Variants in ST3GAL3 observed in about 807,000 individuals in gnomAD.
ST3GAL3 encodes the protein CMP-N-acetylneuraminate-beta-1,4-galactoside alpha-2,3-sialyltransferase.
A neutral mutation model predicts 50.1 loss-of-function variants in ST3GAL3; 21 were observed. The ratio of observed to expected loss-of-function variants is 0.42; its 90% CI spans 0.30 to 0.60. ST3GAL3 has a LOEUF of 0.60. Among genes scored for constraint, ST3GAL3 ranks in the 20% least tolerant of loss-of-function variants. ST3GAL3 has a pLI of 0.19. For missense variants in ST3GAL3, 353 were observed against 489.4 expected, an observed-to-expected ratio of 0.72 and a Z score of 2.63; for synonymous variants, 183 against 190.0, an observed-to-expected ratio of 0.96 and a Z score of 0.30.
chr1:43,783,210 T>G (rs1699920628), intron 2 of ST3GAL3, among the ~76,000 whole-genome samples: 1 of 152,212 alleles, frequency 6.6e-6, no homozygotes, highest in Non-Finnish European at 1.5e-5. Flanking sequence ...ACGCATGCCT[T>G]GTCTGCTGTG....
chr1:43,848,697 C>T (rs1387925956), intron 5 of ST3GAL3, among the ~76,000 whole-genome samples: 1 of 152,052 alleles, frequency 6.6e-6, no homozygotes, highest in Admixed American at 6.6e-5. Flanking sequence ...TTGTTTTATT[C>T]TTTGTAATCA....
chr1:43,908,515 TG>T (rs2154282337), intron 9 of ST3GAL3, among the ~76,000 whole-genome samples: 1 of 152,318 alleles, frequency 6.6e-6, no homozygotes, highest in East Asian at 1.9e-4. Flanking sequence ...GCCCTCTGGA[TG>T]ATTTGCGCAG....
intron 9 of ST3GAL3, among the ~76,000 whole-genome samples, chr1:43,917,858 C>T (rs1392403523): frequency 2.0e-5 from 3 of 147,796 alleles, no homozygotes; most frequent in East Asian, 2.0e-4. Flanking sequence ...TTGGTAGAAA[C>T]GGGGTTTCAC....
At chr1:43,803,334 G>C (rs2059522070) in intron 3 of ST3GAL3, among the ~76,000 whole-genome samples, 1 of 150,188 alleles carries the variant, frequency 6.7e-6, no homozygotes, top group Admixed American at 6.6e-5. Flanking sequence ...GGGCCCAGCA[G>C]TTTGAATCCA....
intron 4 of ST3GAL3, among the ~76,000 whole-genome samples, chr1:43,837,372 A>G (rs976366224): frequency 4.6e-5 from 7 of 152,240 alleles, no homozygotes; most frequent in African/African-American, 7.2e-5. Flanking sequence ...ATCCTCAACT[A>G]AAAGTCTAAT....
At chr1:43,854,924 C>G (rs1463803892) in intron 5 of ST3GAL3, among the ~76,000 whole-genome samples, 1 of 152,200 alleles carries the variant, frequency 6.6e-6, no homozygotes, top group Non-Finnish European at 1.5e-5. Context: ...CCCTGATTCT[C>G]CAACCTCTCC....
chr1:43,758,407 T>G (rs1688936292), intron 2 of ST3GAL3, among the ~76,000 whole-genome samples: 1 of 152,062 alleles, frequency 6.6e-6, no homozygotes, highest in Non-Finnish European at 1.5e-5. Context: ...TGTGCCTCTA[T>G]ACCTGGCTAA....
intron 2 of ST3GAL3, among the ~76,000 whole-genome samples, chr1:43,759,504 A>G (rs1689498505): frequency 6.6e-6 from 1 of 152,210 alleles, no homozygotes; most frequent in Non-Finnish European, 1.5e-5. Flanking sequence ...AATATCTGAA[A>G]CATAAAGCTG....
chr1:43,765,788 C>T lies in ST3GAL3; in HGVS notation c.119-26314C>T, dbSNP rs866139575. 4.2e-3 allele frequency among the ~76,000 whole-genome samples: 559 copies of T among 133,200 alleles called. 3 individuals are homozygous for T. The highest frequency in any genetic ancestry group is 8.7e-3 in the African/African-American group (310 of 35,522). The allele number at this position is 133,200 out of a possible 152,430, so 87.4% of individuals were successfully genotyped here. A position where few individuals can be genotyped will look rare whatever the true frequency, so the allele number is the denominator to read the frequency against. ...GTGTGTGTGTGTGTGTGTGTGTGCG[C>T]GCGCGCGCGCGCGTCCGCGCGTCCG... On this transcript the variant is annotated intron_variant, in intron 2 of 11. Transcript: ENST00000347631.
At chr1:43,785,063 AG>A (rs1248812661) in intron 2 of ST3GAL3, among the ~76,000 whole-genome samples, 1 of 151,670 alleles carries the variant, frequency 6.6e-6, no homozygotes, top group Non-Finnish European at 1.5e-5. Context: ...TCATTTACTC[AG>A]GTTTTGTTTG....
At chr1:43,882,072 T>C (rs957118116) in intron 5 of ST3GAL3, among the ~76,000 whole-genome samples, 4 of 152,308 alleles carry the variant, frequency 2.6e-5, no homozygotes, top group East Asian at 1.9e-4. Context: ...GGCAATAACA[T>C]TAGCATGTGC....
At chr1:43,878,003 C>T (rs2074410674) in intron 5 of ST3GAL3, among the ~76,000 whole-genome samples, 1 of 152,214 alleles carries the variant, frequency 6.6e-6, no homozygotes, top group African/African-American at 2.4e-5. Flanking sequence ...GATTCCCTCA[C>T]AGTTCTGGTG....
intron 5 of ST3GAL3, among the ~76,000 whole-genome samples, chr1:43,874,415 A>G (rs997963387): frequency 2.6e-5 from 4 of 152,226 alleles, no homozygotes; most frequent in African/African-American, 9.6e-5. Flanking sequence ...TGGAGATAAA[A>G]TGAATAGGTG....
chr1:43,828,197 T>C (rs1274718083), intron 4 of ST3GAL3, among the ~76,000 whole-genome samples: 1 of 152,210 alleles, frequency 6.6e-6, no homozygotes, highest in Non-Finnish European at 1.5e-5. Context: ...TAATTAGATA[T>C]CTGTATGTAC....
intron 6 of ST3GAL3, among the ~76,000 whole-genome samples, chr1:43,897,208 C>T (rs960120438): frequency 1.3e-5 from 2 of 151,998 alleles, no homozygotes; most frequent in African/African-American, 2.4e-5. Context: ...CAACGCTCCA[C>T]GCCTAGGAGC....
chr1:43,720,311 G>T (rs905756227), intron 1 of ST3GAL3, among the ~76,000 whole-genome samples: 6 of 152,272 alleles, frequency 3.9e-5, no homozygotes, highest in African/African-American at 1.4e-4. Flanking sequence ...AATGTAAAAT[G>T]TGTAGCCACT....
At chr1:43,709,807 A>C (rs905084051) in intron 1 of ST3GAL3, among the ~76,000 whole-genome samples, 2 of 151,784 alleles carry the variant, frequency 1.3e-5, no homozygotes, top group African/African-American at 4.8e-5. Flanking sequence ...AGATCGCGCC[A>C]GTGCACTCCA....
intron 3 of ST3GAL3, among the ~76,000 whole-genome samples, chr1:43,802,568 G>A (rs2059434081): frequency 2.0e-5 from 3 of 152,246 alleles, no homozygotes; most frequent in Admixed American, 2.0e-4. Context: ...TGTGAGAACA[G>A]GTGTGTTGCC....
At chr1:43,835,520 A>G (rs558956546) in intron 4 of ST3GAL3, among the ~76,000 whole-genome samples, 29 of 152,226 alleles carry the variant, frequency 1.9e-4, no homozygotes, top group Admixed American at 1.9e-3. Flanking sequence ...ACTGCCTTCC[A>G]CTGCCATGGA....
Sources: allele counts gnomAD v4.1 joint callset (sites outside exome capture counted in the v4.1 genomes callset), GRCh38; gene constraint gnomAD v4.1.1; transcripts MANE v1.5; gene names NCBI Gene and HGNC (gene_info 2026-07-23, HGNC 2026-07-21).